Variants in ZNF573 observed in about 807,000 individuals in gnomAD.
ZNF573 encodes the protein zinc finger protein 573.
ZNF573 carries 41 observed loss-of-function variants against 57.4 expected under a neutral mutation model. That is an observed-to-expected ratio of 0.71 (90% confidence interval 0.56 to 0.93). ZNF573 has a LOEUF of 0.93. Among genes scored for constraint, ZNF573 ranks in the 40% least tolerant of loss-of-function variants. The pLI is 0.00. For missense variants in ZNF573, 730 were observed against 794.8 expected (o/e 0.92, Z 0.98); for synonymous variants, 249 against 261.0 (o/e 0.95, Z 0.44).
chr19:37,763,114 G>A (rs151071132), intron 4 of ZNF573, among the ~76,000 whole-genome samples: 8 of 152,088 alleles, frequency 5.3e-5, no homozygotes, highest in African/African-American at 1.4e-4. Flanking sequence ...CACTCCTGCC[G>A]TGTGGATCTC....
intron 1 of ZNF573, among the ~76,000 whole-genome samples, chr19:37,779,161 A>T (rs1370442964): frequency 6.6e-6 from 1 of 151,998 alleles, no homozygotes; most frequent in African/African-American, 2.4e-5. Flanking sequence ...AACGTACATG[A>T]AAAGGACAAG....
intron 4 of ZNF573, among the ~76,000 whole-genome samples, chr19:37,750,330 G>A (rs908143301): frequency 3.3e-5 from 5 of 151,984 alleles, no homozygotes; most frequent in East Asian, 3.9e-4. Context: ...GTGATCTGCC[G>A]GCCTAGGCCT....
chr19:37,750,176 G>A (rs577265080), intron 4 of ZNF573, among the ~76,000 whole-genome samples: 13 of 151,600 alleles, frequency 8.6e-5, no homozygotes, highest in African/African-American at 2.9e-4. Context: ...TCCGCCTCCT[G>A]GGTTCAAGCA....
At chr19:37,756,240 G>A (rs1421170484) in intron 4 of ZNF573, among the ~76,000 whole-genome samples, 1 of 152,104 alleles carries the variant, frequency 6.6e-6, no homozygotes, top group Non-Finnish European at 1.5e-5. Context: ...AGATTTCGTG[G>A]GCCTGATGCC....
In ZNF573 at chr19:37,738,307, T is replaced by A. The variant is rs986846948; in HGVS notation, c.*185A>T. 4.1e-5 allele frequency: 20 copies of A among 492,782 alleles called. No homozygotes were observed. Among genetic ancestry groups the A allele is most frequent in the Non-Finnish European group, 6.6e-5 (20 of 305,210 alleles). The allele number at this position is 492,782 out of a possible 1,614,324, so 30.5% of individuals were successfully genotyped here. ...CTGTTTTTTTTTTTTTTTTTCTTAA[T>A]TTACCATTGAATAGTCAGATATTCC... On this transcript the variant is annotated 3_prime_UTR_variant, in exon 5 of 5. Coordinates refer to ENST00000536220, the MANE Select transcript of ZNF573 (RefSeq NM_001172690.2).
At chr19:37,770,322 C>T (rs1469258951) in intron 3 of ZNF573, 4 of 394,756 alleles carry the variant, frequency 1.0e-5, no homozygotes, top group Non-Finnish European at 1.8e-5. Flanking sequence ...ATGTCTCTTT[C>T]CAAATATTAC....
chr19:37,752,238 T>G (rs2045445176), intron 4 of ZNF573, among the ~76,000 whole-genome samples: 1 of 152,152 alleles, frequency 6.6e-6, no homozygotes, highest in East Asian at 1.9e-4. Flanking sequence ...ACCCTTTGTA[T>G]CACATATGAA....
At chr19:37,769,509 C>T (rs62110183) in intron 4 of ZNF573, among the ~76,000 whole-genome samples, 10,881 of 134,706 alleles carry the variant, frequency 0.081, 562 homozygotes, top group African/African-American at 0.15. Context: ...AGGCAGATCA[C>T]GAGGTCAGGA....
At chr19:37,757,105 A>T (rs922087732) in intron 4 of ZNF573, among the ~76,000 whole-genome samples, 1 of 151,938 alleles carries the variant, frequency 6.6e-6, no homozygotes, top group African/African-American at 2.4e-5. Context: ...AACCAACACA[A>T]TCCCCTCTTA....
At chr19:37,765,767 G>T (rs558561840) in intron 4 of ZNF573, among the ~76,000 whole-genome samples, 1 of 151,954 alleles carries the variant, frequency 6.6e-6, no homozygotes, top group Non-Finnish European at 1.5e-5. Context: ...GGCCAGGCAC[G>T]GTGGCTCATG....
At chr19:37,754,740 T>C (rs1006876273) in intron 4 of ZNF573, among the ~76,000 whole-genome samples, 5 of 151,602 alleles carry the variant, frequency 3.3e-5, no homozygotes, top group Admixed American at 6.6e-5. Context: ...TATCTTAATC[T>C]TGATATCAAA....
chr19:37,778,987 G>C (rs1318360819), intron 1 of ZNF573, among the ~76,000 whole-genome samples: 5 of 152,138 alleles, frequency 3.3e-5, no homozygotes, highest in African/African-American at 9.7e-5. Flanking sequence ...GCAAGTCAAT[G>C]CCTTCTTGCT....
intron 4 of ZNF573, among the ~76,000 whole-genome samples, chr19:37,760,686 G>T (rs1599698506): frequency 2.0e-5 from 3 of 152,072 alleles, no homozygotes; most frequent in Admixed American, 2.0e-4. Context: ...GCCAGGCATG[G>T]TGGTGCATGC....
At chr19:37,771,513 GGTAAC>G in intron 3 of ZNF573, 46 bp downstream of exon 3, 1 of 1,576,114 alleles carries the variant, frequency 6.3e-7, no homozygotes. Context: ...TGTGTTGAAA[GGTAAC>G]ATATCACAGA....
intron 4 of ZNF573, among the ~76,000 whole-genome samples, chr19:37,765,603 G>C (rs1027799555): frequency 6.6e-6 from 1 of 152,124 alleles, no homozygotes; most frequent in Non-Finnish European, 1.5e-5. Flanking sequence ...CCAGCTACTC[G>C]GGAGGCTGAA....
chr19:37,738,388 A>T lies in ZNF573; in HGVS notation c.*104T>A, dbSNP rs867511706. 1.0e-5 allele frequency: 13 copies of T among 1,259,482 alleles called. No individual in the cohort carries two copies. The Admixed American group carries it at 1.1e-4, about 11-fold the overall frequency. The allele number at this position is 1,259,482 out of a possible 1,614,324, so 78.0% of individuals were successfully genotyped here. A position where few individuals can be genotyped will look rare whatever the true frequency, so the allele number is the denominator to read the frequency against. ...TAATGTGGCAAGATCTGCATTTTGAACTCTCTCAATTGCTAAAGCCATACC... is the reference window on the plus strand; with the variant it reads ...TAATGTGGCAAGATCTGCATTTTGATCTCTCTCAATTGCTAAAGCCATACC... On this transcript the variant is annotated 3_prime_UTR_variant, in exon 5 of 5. Transcript: ENST00000536220.
chr19:37,758,803 C>T (rs1042206406), intron 4 of ZNF573, among the ~76,000 whole-genome samples: 1 of 151,698 alleles, frequency 6.6e-6, no homozygotes, highest in Non-Finnish European at 1.5e-5. Flanking sequence ...TATATAGACA[C>T]CCTAGGAAGT....
At position 37,738,345 on chromosome 19, in the gene ZNF573, C is replaced by A; in HGVS notation, c.*147G>T. 3.1e-6 allele frequency: 2 copies of A among 655,624 alleles called. No homozygotes were observed. The highest frequency in any genetic ancestry group is 4.5e-6 in the Non-Finnish European group (2 of 444,168). 40.6% of individuals were successfully genotyped at this position (655,624 alleles called of 1,614,324 possible). A position where few individuals can be genotyped will look rare whatever the true frequency, so the allele number is the denominator to read the frequency against. On this transcript the variant is annotated 3_prime_UTR_variant, in exon 5 of 5. Coordinates refer to ENST00000536220, the MANE Select transcript of ZNF573 (RefSeq NM_001172690.2). ...AGTCAGATATTCCATTAAAACAGGA[C>A]TGACATTGAATGCTTTCTAATGTGG...
intron 4 of ZNF573, among the ~76,000 whole-genome samples, chr19:37,758,214 T>A (rs367582985): frequency 0.32 from 1,423 of 4,442 alleles, 182 homozygotes; most frequent in Non-Finnish European, 0.43. Flanking sequence ...TATATATATA[T>A]ATATATATAT....
Sources: gnomAD v4.1 joint callset for allele counts (sites outside exome capture counted in the v4.1 genomes callset) on GRCh38, gnomAD v4.1.1 for gene constraint, MANE v1.5 for transcripts, NCBI Gene and HGNC (gene_info 2026-07-23, HGNC 2026-07-21) for gene names.